Variants in RUNX1T1 observed in about 807,000 individuals in gnomAD.
RUNX1T1 encodes the protein protein CBFA2T1.
Under a neutral mutation model 62.8 loss-of-function variants are expected in RUNX1T1, and 4 were observed. The ratio of observed to expected loss-of-function variants is 0.06; its 90% confidence interval spans 0.03 to 0.15. The LOEUF is 0.15. RUNX1T1 is among the 10% of genes least tolerant of loss of function. The probability of loss-of-function intolerance (pLI) is 1.00; values close to 1 mark genes in which losing one functional copy is unlikely to be tolerated. For synonymous variants in RUNX1T1, 291 were observed against 286.0 expected, an observed-to-expected ratio of 1.02 and a Z score of -0.18; for missense variants, 508 against 754.3, an observed-to-expected ratio of 0.67 and a Z score of 3.82.
intron 1 of RUNX1T1, among the ~76,000 whole-genome samples, chr8:92,058,328 A>G (rs923928689): frequency 6.6e-6 from 1 of 152,188 alleles, no homozygotes; most frequent in African/African-American, 2.4e-5. Context: ...AATTAACTAT[A>G]TATAGGTTCC....
intron 1 of RUNX1T1, among the ~76,000 whole-genome samples, chr8:92,084,100 G>T (rs1338407450): frequency 2.0e-5 from 3 of 152,024 alleles, no homozygotes; most frequent in Non-Finnish European, 4.4e-5. Flanking sequence ...GGCCTGTCGG[G>T]GTGGGGGGCT....
chr8:92,048,013 A>G (rs1045035424), intron 1 of RUNX1T1, among the ~76,000 whole-genome samples: 1 of 152,236 alleles, frequency 6.6e-6, no homozygotes, highest in Non-Finnish European at 1.5e-5. Context: ...ACTCCATTGC[A>G]CTGCTTATCA....
rs1563810632 is a variant in RUNX1T1 at position 92,034,785 on chromosome 8, T to TACACAC, written c.8-17423_8-17422insGTGTGT. 3.4e-4 allele frequency among the ~76,000 whole-genome samples: 37 copies of TACACAC among 109,226 alleles called. 3 individuals are homozygous for TACACAC. Among genetic ancestry groups the TACACAC allele is most frequent in the African/African-American group, 1.1e-3 (30 of 27,890 alleles). The allele number at this position is 109,226 out of a possible 152,430, so 71.7% of individuals were successfully genotyped here. A position where few individuals can be genotyped will look rare whatever the true frequency, so the allele number is the denominator to read the frequency against. On this transcript the variant is annotated intron_variant, in intron 1 of 10. Coordinates refer to ENST00000396218, the Ensembl canonical transcript of RUNX1T1. The stretch of plus-strand genomic sequence containing the variant: ...ACATATACATATATATACACATATA[T>TACACAC]ATATACATATATACACACACACACA...
intron 1 of RUNX1T1, among the ~76,000 whole-genome samples, chr8:92,028,811 A>C (rs1825725757): frequency 6.6e-6 from 1 of 152,202 alleles, no homozygotes; most frequent in African/African-American, 2.4e-5. Flanking sequence ...CCAAAACTGA[A>C]CATAAGCATG....
intron 8 of RUNX1T1, among the ~76,000 whole-genome samples, chr8:91,984,645 T>A (rs1290066159): frequency 6.6e-6 from 1 of 152,220 alleles, no homozygotes; most frequent in African/African-American, 2.4e-5. Context: ...TTTTATTTAC[T>A]TTAAAGCTCT....
intron 1 of RUNX1T1, among the ~76,000 whole-genome samples, chr8:92,028,976 AAAG>A: frequency 6.6e-6 from 1 of 152,366 alleles, no homozygotes; most frequent in Non-Finnish European, 1.5e-5. Context: ...TGACAAGGAT[AAAG>A]AAGGTTATAG....
chr8:92,067,886 C>A (rs1489080159), upstream of RUNX1T1, among the ~76,000 whole-genome samples: 1 of 152,108 alleles, frequency 6.6e-6, no homozygotes, highest in Non-Finnish European at 1.5e-5. Context: ...TTTTCAACGT[C>A]TAATATTTTA....
At chr8:91,957,370 G>A, downstream of RUNX1T1, 1 of 225,560 alleles carries the variant, frequency 4.4e-6, no homozygotes, top group Non-Finnish European at 8.8e-6. Flanking sequence ...AGCTACTGGT[G>A]CAATATACAT....
At chr8:92,046,585 A>G (rs1829447185) in intron 1 of RUNX1T1, among the ~76,000 whole-genome samples, 1 of 152,008 alleles carries the variant, frequency 6.6e-6, no homozygotes, top group South Asian at 2.1e-4. Flanking sequence ...GCTGGTCTCA[A>G]ACTTCTAGGC....
chr8:91,970,820 C>T (rs750027108), exon 10 of RUNX1T1: 3 of 1,611,648 alleles, frequency 1.9e-6, no homozygotes, highest in Non-Finnish European at 2.5e-6. Flanking sequence ...CCGTCATCGC[C>T]TGGCGCTTCA....
At chr8:92,034,801 C>CATATATATATATACAT (rs1554630750) in intron 1 of RUNX1T1, among the ~76,000 whole-genome samples, 2 of 113,626 alleles carry the variant, frequency 1.8e-5, no homozygotes, top group Non-Finnish European at 3.6e-5. Context: ...CATATATACA[C>CATATATATATATACAT]ACACACACAC....
chr8:92,095,500 A>G, intron 1 of RUNX1T1: 4 of 1,517,486 alleles, frequency 2.6e-6, no homozygotes, highest in Non-Finnish European at 3.5e-6. Flanking sequence ...CGCAGGAGGG[A>G]GAGGAGAGAA....
chr8:92,086,865 C>T (rs1470297208), intron 1 of RUNX1T1, among the ~76,000 whole-genome samples: 1 of 152,196 alleles, frequency 6.6e-6, no homozygotes, highest in Non-Finnish European at 1.5e-5. Flanking sequence ...GCTGGTCATC[C>T]TTCTGCAATA....
intron 1 of RUNX1T1, among the ~76,000 whole-genome samples, chr8:92,031,670 A>G (rs1346663415): frequency 6.6e-6 from 1 of 152,070 alleles, no homozygotes; most frequent in East Asian, 1.9e-4. Context: ...TAGTTTCACT[A>G]CGTTGCCCAG....
chr8:92,050,656 T>C (rs932960197), intron 1 of RUNX1T1, among the ~76,000 whole-genome samples: 11 of 152,344 alleles, frequency 7.2e-5, no homozygotes, highest in African/African-American at 2.2e-4. Context: ...TTAAAACTCA[T>C]GCTAATTCCA....
chr8:92,073,979 T>A (rs1834048510), intron 2 of RUNX1T1, among the ~76,000 whole-genome samples: 1 of 152,174 alleles, frequency 6.6e-6, no homozygotes, highest in Non-Finnish European at 1.5e-5. Context: ...ATTATAGGTA[T>A]GAGCCACCAT....
intron 9 of RUNX1T1, among the ~76,000 whole-genome samples, chr8:91,973,633 A>G (rs1813315932): frequency 6.6e-6 from 1 of 152,080 alleles, no homozygotes; most frequent in Non-Finnish European, 1.5e-5. Context: ...TTTTTTGCCC[A>G]TAGCCAATTT....
intron 2 of RUNX1T1, among the ~76,000 whole-genome samples, chr8:92,073,681 T>A (rs546710506): frequency 6.6e-6 from 1 of 152,144 alleles, no homozygotes; most frequent in African/African-American, 2.4e-5. Context: ...AAATTAGGAG[T>A]AATTATTATT....
At chr8:91,983,496 A>T (rs904759764) in intron 8 of RUNX1T1, among the ~76,000 whole-genome samples, 1 of 152,206 alleles carries the variant, frequency 6.6e-6, no homozygotes, top group African/African-American at 2.4e-5. Flanking sequence ...AACCAAAGAT[A>T]TCTTCTATAA....
Sources: allele counts gnomAD v4.1 joint callset (sites outside exome capture counted in the v4.1 genomes callset), GRCh38; gene constraint gnomAD v4.1.1; transcripts MANE v1.5; gene names NCBI Gene and HGNC (gene_info 2026-07-23, HGNC 2026-07-21).